The following CCDC30 variants were observed in gnomAD, a reference collection of about 807,000 sequenced individuals.
CCDC30 encodes coiled-coil domain containing 30.
In CCDC30, 70 loss-of-function variants were observed where a neutral mutation model predicts 100.2. The ratio of observed to expected loss-of-function variants is 0.70; its 90% CI spans 0.58 to 0.85. CCDC30 has a LOEUF of 0.85. Among genes scored for constraint, CCDC30 ranks in the 40% least tolerant of loss-of-function variants. CCDC30 has a pLI of 0.00. For synonymous variants in CCDC30, 233 were observed against 269.5 expected, an observed-to-expected ratio of 0.86 and a Z score of 1.33; for missense variants, 652 against 771.2, an observed-to-expected ratio of 0.85 and a Z score of 1.83.
At position 42,533,257 on chromosome 1, in the gene CCDC30, GA is replaced by G. The variant is rs552370669; in HGVS notation, c.457-33036del. Among the ~76,000 whole-genome samples the G allele has an allele frequency of 3.8e-3, 580 of 152,316 alleles. 8 individuals carry two copies. Among genetic ancestry groups the G allele is most frequent in the African/African-American group, 0.013 (538 of 41,572 alleles). On this transcript the variant is annotated intron_variant, in intron 6 of 16. Transcript: ENST00000668663. ...GAGAGTCAGTTTTTTAAAAAATAAG[GA>G]AAGGAATGTGAGCTGGTGTTGATAA...
the CCDC30 span, chr1:42,456,836 C>G: frequency 3.1e-6 from 5 of 1,613,548 alleles, no homozygotes; most frequent in Non-Finnish European, 4.2e-6. Context: ...CTCTGCCTTC[C>G]CCTATGCCCA....
intron 6 of CCDC30, among the ~76,000 whole-genome samples, chr1:42,543,944 G>T (rs1268518777): frequency 6.6e-6 from 1 of 152,210 alleles, no homozygotes; most frequent in East Asian, 1.9e-4. Context: ...ACATGTAGAA[G>T]CTTTGCATTT....
At chr1:42,575,201 A>T (rs1645807589) in intron 7 of CCDC30, among the ~76,000 whole-genome samples, 1 of 152,142 alleles carries the variant, frequency 6.6e-6, no homozygotes, top group South Asian at 2.1e-4. Flanking sequence ...ATTCTCTCTC[A>T]CCACTTTTGT....
intron 3 of CCDC30, among the ~76,000 whole-genome samples, chr1:42,487,769 C>T (rs1330227710): frequency 6.6e-6 from 1 of 152,200 alleles, no homozygotes; most frequent in African/African-American, 2.4e-5. Flanking sequence ...CTCAGTCTTA[C>T]ACCCTCAAGG....
At chr1:42,566,602 G>T in intron 7 of CCDC30, 127 bp downstream of exon 11, 1 of 701,954 alleles carries the variant, frequency 1.4e-6, no homozygotes, top group Non-Finnish European at 2.3e-6. Flanking sequence ...GAGCTATCTG[G>T]TAACTTCCTC....
chr1:42,457,150 T>C, the CCDC30 span: 24 of 1,592,634 alleles, frequency 1.5e-5, no homozygotes, highest in Non-Finnish European at 2.1e-5. Flanking sequence ...TACCTCCTGC[T>C]TACCCACGGA....
chr1:42,507,254 A>G (rs60386030), intron 6 of CCDC30, among the ~76,000 whole-genome samples: 19,693 of 152,186 alleles, frequency 0.13, 1,472 homozygotes, highest in East Asian at 0.18. Flanking sequence ...CCTCATAGAC[A>G]ATACCATCTA....
chr1:42,582,832 T>C (rs1645994189), intron 9 of CCDC30, among the ~76,000 whole-genome samples: 1 of 152,210 alleles, frequency 6.6e-6, no homozygotes, highest in Non-Finnish European at 1.5e-5. Flanking sequence ...CCTGTTACAA[T>C]TCTTCAAAGA....
chr1:42,554,351 C>G (rs1645324034), intron 6 of CCDC30, among the ~76,000 whole-genome samples: 2 of 149,166 alleles, frequency 1.3e-5, no homozygotes, highest in Admixed American at 6.7e-5. Flanking sequence ...AATTTCTGCT[C>G]ACTGCAACTT....
chr1:42,585,388 T>C lies in CCDC30; in HGVS notation c.1001+3874T>C, dbSNP rs534534540. On this transcript the variant is annotated intron_variant, in intron 9 of 16. Coordinates refer to ENST00000668663, the Ensembl canonical transcript of CCDC30. ...GTGCTGGGATTATAGATGTGAGCCATTGTGCCTGGCCACATTTTTTATATT... is the reference window on the plus strand; with the variant it reads ...GTGCTGGGATTATAGATGTGAGCCACTGTGCCTGGCCACATTTTTTATATT... Among the ~76,000 whole-genome samples the C allele has an allele frequency of 3.3e-5, 5 of 152,264 alleles. No individual in the cohort carries two copies. In the South Asian group the frequency reaches 8.3e-4, roughly 25 times the overall value.
chr1:42,539,232 A>T (rs1644967084), intron 6 of CCDC30: 1 of 1,610,476 alleles, frequency 6.2e-7, no homozygotes, highest in Non-Finnish European at 8.5e-7. Context: ...ACAATCTTCC[A>T]GGGGAATCAG....
intron 6 of CCDC30, among the ~76,000 whole-genome samples, chr1:42,527,368 G>T (rs922357340): frequency 9.2e-5 from 14 of 152,076 alleles, no homozygotes; most frequent in African/African-American, 3.1e-4. Context: ...AGTCTGCCTG[G>T]GTTCACATCC....
At chr1:42,507,397 T>C (rs12039787) in intron 6 of CCDC30, among the ~76,000 whole-genome samples, 30,498 of 152,184 alleles carry the variant, frequency 0.2, 3,341 homozygotes, top group South Asian at 0.42. Flanking sequence ...AAAAATGATA[T>C]AATACCCTTT....
chr1:42,602,525 A>T (rs1433274789), intron 10 of CCDC30, among the ~76,000 whole-genome samples: 7 of 152,238 alleles, frequency 4.6e-5, no homozygotes, highest in South Asian at 2.1e-4. Context: ...GAACAACTTT[A>T]TGCCCACAAA....
chr1:42,473,161 AAAG>A (rs1643823953), intron 1 of CCDC30: 1 of 1,230,570 alleles, frequency 8.1e-7, no homozygotes, highest in African/African-American at 1.6e-5. Flanking sequence ...CCATCTTGAA[AAAG>A]AAGAAATCAA....
chr1:42,582,722 C>T (rs1455244940), intron 9 of CCDC30, among the ~76,000 whole-genome samples: 1 of 152,146 alleles, frequency 6.6e-6, no homozygotes, highest in Non-Finnish European at 1.5e-5. Flanking sequence ...TTGACTGGTC[C>T]ACTTTTGCTG....
chr1:42,588,349 C>G (rs929943464), intron 9 of CCDC30, among the ~76,000 whole-genome samples: 1 of 152,040 alleles, frequency 6.6e-6, no homozygotes, highest in Non-Finnish European at 1.5e-5. Flanking sequence ...GAAAAGTCAA[C>G]TGACAAAAGA....
intron 6 of CCDC30, among the ~76,000 whole-genome samples, chr1:42,556,780 A>G (rs1034217675): frequency 2.0e-5 from 3 of 152,218 alleles, no homozygotes; most frequent in Admixed American, 2.0e-4. Flanking sequence ...AAATGTTCAT[A>G]AACTCCATCT....
chr1:42,650,495 A>ATGTGTGTGTGTGTG (rs1367897512), intron 15 of CCDC30, among the ~76,000 whole-genome samples: 2 of 98,906 alleles, frequency 2.0e-5, no homozygotes, highest in Non-Finnish European at 2.1e-5. Context: ...AAAAAAATAT[A>ATGTGTGTGTGTGTG]TATGTGTGTG....
Sources: allele counts gnomAD v4.1 joint callset (sites outside exome capture counted in the v4.1 genomes callset), GRCh38; gene constraint gnomAD v4.1.1; transcripts MANE v1.5; gene names NCBI Gene and HGNC (gene_info 2026-07-23, HGNC 2026-07-21).